The following CHMP5 variants were observed in gnomAD, a reference collection of about 807,000 sequenced individuals.
The protein encoded by CHMP5 is SNF7 domain containing 2.
CHMP5 carries 17 observed loss-of-function variants against 33.0 expected under a neutral mutation model. That is an observed-to-expected ratio of 0.52 (90% CI 0.35 to 0.77). The LOEUF is 0.77. Ranked by LOEUF, CHMP5 falls within the 30% of genes least tolerant of loss-of-function variation. The pLI, the probability that CHMP5 is intolerant of heterozygous loss-of-function variation, is 0.01. For missense variants in CHMP5, 216 were observed against 261.5 expected, an observed-to-expected ratio of 0.83 and a Z score of 1.20; for synonymous variants, 76 against 90.2, an observed-to-expected ratio of 0.84 and a Z score of 0.89.
chr9:33,277,826 T>C (rs1820873640), intron 6 of CHMP5: 1 of 268,168 alleles, frequency 3.7e-6, no homozygotes, highest in Non-Finnish European at 7.3e-6. Context: ...TATTTTTGCC[T>C]AGAACCTTTC....
intron 5 of CHMP5, among the ~76,000 whole-genome samples, chr9:33,273,873 T>G (rs1306809863): frequency 6.6e-6 from 1 of 152,208 alleles, no homozygotes; most frequent in Non-Finnish European, 1.5e-5. Flanking sequence ...GTAATACTAT[T>G]GTATAAGCTT....
Position 33,280,865 on chromosome 9 carries a change from C to A in CHMP5, c.*6C>A. The stretch of plus-strand genomic sequence containing the variant: ...CACAGATCCCTGCTTCATAGATTTG[C>A]ATCATTCAAGCATATCTTGTAAAAC... On this transcript the variant is annotated 3_prime_UTR_variant, in exon 8 of 8. Coordinates refer to ENST00000223500, the MANE Select transcript of CHMP5 (RefSeq NM_016410.6). 6.2e-7 allele frequency: 1 copy of A among 1,607,756 alleles called. No individual in the cohort carries two copies. Among genetic ancestry groups the A allele is most frequent in the South Asian group, 1.1e-5 (1 of 90,030 alleles).
rs1162122721 is a variant in CHMP5 at position 33,266,104 on chromosome 9, G to A, written c.164G>A (p.Gly55Asp). 3 of 1,610,272 alleles carry A rather than the reference G, an allele frequency of 1.9e-6. No individual in the cohort carries two copies. In the South Asian group the frequency reaches 3.3e-5, roughly 18 times the overall value. Residue 55 changes from glycine to aspartate, a missense_variant, in exon 2 of 8, where the codon GGT becomes GAT. Coordinates refer to ENST00000223500, the MANE Select transcript of CHMP5 (RefSeq NM_016410.6). ...YKDQIKKMRE[G>D]PAKNMVKQKA... is the part of the protein sequence containing the mutation. ...GATCAGATCAAGAAGATGAGAGAGG[G>A]TCCTGCAAAGGTAAGGTGGGCAGCA...
At chr9:33,270,554 G>T (rs1028792312) in intron 3 of CHMP5, 69 bp from the exon 4 acceptor site, 1 of 1,175,842 alleles carries the variant, frequency 8.5e-7, no homozygotes, top group Non-Finnish European at 1.3e-6. Flanking sequence ...TATTTAGTGT[G>T]GGGATACTTT....
At position 33,265,125 on chromosome 9, in the gene CHMP5, G is replaced by T. The variant is rs1247214885; in HGVS notation, c.47G>T (p.Ser16Ile). ...GKAKPKAPPP[S>I]LTDCIGTVDS... ...GCGAAACCCAAGGCTCCGCCGCCCA[G>T]CCTGACTGACTGCATTGGCACGGTG... The change falls in exon 1 of 8, where the codon AGC becomes ATC. Residue 16 changes from serine (S) to isoleucine (I), a missense_variant. Physicochemically the swap from Ser to Ile is moderately radical, Grantham distance 142. Coordinates refer to ENST00000223500, the MANE Select transcript of CHMP5 (RefSeq NM_016410.6). 2.5e-6 allele frequency: 4 copies of T among 1,614,032 alleles called. No individual in the cohort carries two copies. The highest frequency in any genetic ancestry group is 3.4e-6 in the Non-Finnish European group (4 of 1,180,034).
At chr9:33,280,718 G>C in intron 7 of CHMP5, 91 bp from the exon 8 acceptor site, 1 of 1,199,130 alleles carries the variant, frequency 8.3e-7, no homozygotes. Context: ...TAAATACTTG[G>C]AAATGAGTTT....
At chr9:33,265,578 A>G (rs1392624697) in intron 1 of CHMP5, among the ~76,000 whole-genome samples, 1 of 152,132 alleles carries the variant, frequency 6.6e-6, no homozygotes, top group Non-Finnish European at 1.5e-5. Context: ...TCTCAGTAAC[A>G]CAAAACTCAG....
At chr9:33,275,671 A>G (rs1005193697) in intron 5 of CHMP5, among the ~76,000 whole-genome samples, 5 of 152,194 alleles carry the variant, frequency 3.3e-5, no homozygotes, top group African/African-American at 9.7e-5. Context: ...ACAGCTGACA[A>G]TCATCTATTC....
chr9:33,274,195 T>C (rs1820827089), intron 5 of CHMP5, among the ~76,000 whole-genome samples: 1 of 152,040 alleles, frequency 6.6e-6, no homozygotes, highest in Admixed American at 6.5e-5. Context: ...TCTACTTCAG[T>C]CTCCTGAGTA....
intron 7 of CHMP5, among the ~76,000 whole-genome samples, chr9:33,278,470 C>A (rs1483789317): frequency 6.6e-6 from 1 of 152,130 alleles, no homozygotes; most frequent in Non-Finnish European, 1.5e-5. Flanking sequence ...ACATGATCAC[C>A]CTTGTTGTGA....
Position 33,281,557 on chromosome 9 carries a change from G to C in CHMP5, c.*698G>C, listed in dbSNP as rs1208957046. On this transcript the variant is annotated 3_prime_UTR_variant, in exon 8 of 8. Coordinates refer to ENST00000223500, the MANE Select transcript of CHMP5 (RefSeq NM_016410.6). Reference sequence around the variant, plus strand: ...ACTTCAGCTTAAAACCTCTACTGCGGAAACCAAATTTAATAGAATTTTAAT... The same window carrying C: ...ACTTCAGCTTAAAACCTCTACTGCGCAAACCAAATTTAATAGAATTTTAAT... The C allele has an allele frequency of 6.6e-6, 1 of 152,460 alleles. No individual in the cohort carries two copies. The highest frequency in any genetic ancestry group is 1.5e-5 in the Non-Finnish European group (1 of 68,016). 9.4% of individuals were successfully genotyped at this position (152,460 alleles called of 1,614,324 possible).
At chr9:33,274,233 C>T (rs1404757297) in intron 5 of CHMP5, among the ~76,000 whole-genome samples, 1 of 152,042 alleles carries the variant, frequency 6.6e-6, no homozygotes. Flanking sequence ...GCACCATGCC[C>T]AGCTAATTTT....
At chr9:33,271,023 A>C (rs886813330) in intron 4 of CHMP5, 129 bp from the exon 5 acceptor site, 2 of 712,534 alleles carry the variant, frequency 2.8e-6, no homozygotes, top group Non-Finnish European at 4.7e-6. Flanking sequence ...CGGAGGTTGC[A>C]GTGAGCCATT....
At chr9:33,265,185 C>A in intron 1 of CHMP5, 38 bp downstream of exon 1, 5 of 1,600,750 alleles carry the variant, frequency 3.1e-6, no homozygotes, top group Non-Finnish European at 4.3e-6. Flanking sequence ...CTCAGGACCT[C>A]TGACACACCC....
chr9:33,269,544 C>G (rs1208553775), intron 3 of CHMP5, among the ~76,000 whole-genome samples: 1 of 151,958 alleles, frequency 6.6e-6, no homozygotes, highest in African/African-American at 2.4e-5. Context: ...ATAAAATATG[C>G]CTGTCTTCAA....
chr9:33,278,022 T>C (rs1820875590), intron 6 of CHMP5, 91 bp from the exon 7 acceptor site: 2 of 787,388 alleles, frequency 2.5e-6, no homozygotes, highest in Non-Finnish European at 4.3e-6. Flanking sequence ...CTTCACTGCC[T>C]TCTTTCAAGT....
chr9:33,280,458 C>T (rs1820908821), intron 7 of CHMP5, among the ~76,000 whole-genome samples: 1 of 152,178 alleles, frequency 6.6e-6, no homozygotes, highest in Non-Finnish European at 1.5e-5. Context: ...GGTATTGGTC[C>T]AGAGTGAAAA....
chr9:33,267,193 T>A (rs545733626), intron 2 of CHMP5, among the ~76,000 whole-genome samples: 8 of 152,294 alleles, frequency 5.3e-5, no homozygotes, highest in Non-Finnish European at 1.0e-4. Context: ...AATAAAATGA[T>A]CTACAGAATT....
Position 33,280,889 on chromosome 9 carries a change from A to G in CHMP5, c.*30A>G, listed in dbSNP as rs777521792. 5 of 1,571,790 alleles carry G rather than the reference A, an allele frequency of 3.2e-6. No homozygotes were observed. The South Asian group carries it at 5.8e-5, about 18-fold the overall frequency. ...GCATCATTCAAGCATATCTTGTAAA[A>G]CAAACACATATTATGGGACTAGGAA... On this transcript the variant is annotated 3_prime_UTR_variant, in exon 8 of 8. Coordinates refer to ENST00000223500, the MANE Select transcript of CHMP5 (RefSeq NM_016410.6).
Sources: allele counts gnomAD v4.1 joint callset (sites outside exome capture counted in the v4.1 genomes callset), GRCh38; gene constraint gnomAD v4.1.1; transcripts MANE v1.5; gene names NCBI Gene and HGNC (gene_info 2026-07-23, HGNC 2026-07-21).